SGO1: variants seen among roughly 807,000 people sequenced by gnomAD.
The protein encoded by SGO1 is shugoshin 1, also known as serologically defined breast cancer antigen NY-BR-85.
SGO1 carries 39 observed loss-of-function variants against 50.5 expected under a neutral mutation model. That is an observed-to-expected ratio of 0.77 (90% CI 0.60 to 1.01). The LOEUF (loss-of-function observed/expected upper bound fraction) is 1.01, where lower values mean the gene tolerates loss of function less well. Among genes scored for constraint, SGO1 ranks in the 50% least tolerant of loss-of-function variants. The pLI, the probability that SGO1 is intolerant of heterozygous loss-of-function variation, is 0.00. For synonymous variants in SGO1, 191 were observed against 205.1 expected (o/e 0.93, Z 0.59); for missense variants, 638 against 606.0 (o/e 1.05, Z -0.55).
chr3:20,169,742 T>TGG lies in SGO1; in HGVS notation c.*960_*961dup. ...TCACTCTGAACATACAATTAGAGCT[T>TGG]GGGGTTCACAATTAGTCACTTATCT... On this transcript the variant is annotated 3_prime_UTR_variant, in exon 8 of 8. Coordinates refer to ENST00000412997, the MANE Select transcript of SGO1 (RefSeq NM_001199251.3). The TGG allele has an allele frequency of 3.1e-5, 28 of 913,368 alleles. No homozygotes were observed. The highest frequency in any genetic ancestry group is 3.7e-5 in the Non-Finnish European group (28 of 764,452). 56.6% of individuals were successfully genotyped at this position (913,368 alleles called of 1,614,324 possible).
intron 5 of SGO1, 142 bp downstream of exon 5, chr3:20,176,459 A>C (rs1026219302): frequency 3.3e-5 from 19 of 573,660 alleles, no homozygotes; most frequent in Non-Finnish European, 5.5e-5. Flanking sequence ...GTGTAAAATA[A>C]ACAGATTTGC....
At chr3:20,166,165 T>C (rs1314593801), downstream of SGO1, among the ~76,000 whole-genome samples, 3 of 152,088 alleles carry the variant, frequency 2.0e-5, no homozygotes, top group African/African-American at 7.2e-5. Flanking sequence ...TTCAGAACTA[T>C]TGTACATCAA....
intron 3 of SGO1, among the ~76,000 whole-genome samples, chr3:20,181,882 C>T (rs574795159): frequency 3.3e-5 from 5 of 151,948 alleles, no homozygotes; most frequent in African/African-American, 1.2e-4. Flanking sequence ...GCCAGGAGTT[C>T]GAGACACCTG....
At position 20,183,921 on chromosome 3, in the gene SGO1, C is replaced by T. The variant is rs999124851; in HGVS notation, c.107G>A (p.Arg36His). 6.8e-6 allele frequency: 11 copies of T among 1,612,498 alleles called. No homozygotes were observed. The highest frequency in any genetic ancestry group is 7.6e-6 in the Non-Finnish European group (9 of 1,179,670). ...GCATGGTGCAGCTATAAAAGACCTG[C>T]GTTTGCCAATCTCTGCCAAGTTTTT... ...RNKNLAEIGK[R>H]RSFIAAPCQI... The change falls in exon 2 of 8, where the codon CGC becomes CAC. Residue 36 changes from arginine (R) to histidine (H), a missense_variant. Physicochemically the swap from Arg to His is conservative, Grantham distance 29. Coordinates refer to ENST00000412997, the MANE Select transcript of SGO1 (RefSeq NM_001199251.3).
Position 20,174,851 on chromosome 3 carries a change from C to A in SGO1, c.680G>T (p.Gly227Val). 2 of 1,613,986 alleles carry A rather than the reference C, an allele frequency of 1.2e-6. No homozygotes were observed. The highest frequency in any genetic ancestry group is 1.7e-6 in the Non-Finnish European group (2 of 1,179,998). ...AGKSFEFERV[G>V]FLDPLVNMHI... ...CATGTTTACTAGTGGGTCTAAAAAT[C>A]CAACTCTTTCGAATTCAAAAGACTT... is the stretch of plus-strand genomic sequence containing the variant. The change falls in exon 6 of 8, where the codon GGA (glycine) becomes GTA (valine). Residue 227 changes from glycine (G) to valine (V), a missense_variant. Transcript: ENST00000412997.
Position 20,169,788 on chromosome 3 carries a change from A to C in SGO1, c.*916T>G. ...TATCTTGTCCCTGAGCCTAAAAAAG[A>C]ATCAATTTCTCTAGTCATTTTCCCA... On this transcript the variant is annotated 3_prime_UTR_variant, in exon 8 of 8. Coordinates refer to ENST00000412997, the MANE Select transcript of SGO1 (RefSeq NM_001199251.3). The C allele has an allele frequency of 1.0e-6, 1 of 962,490 alleles. No homozygotes were observed. The highest frequency in any genetic ancestry group is 1.2e-6 in the Non-Finnish European group (1 of 809,008). 59.6% of individuals were successfully genotyped at this position (962,490 alleles called of 1,614,324 possible).
In SGO1 at chr3:20,174,888, G is replaced by T. The variant is rs750207655; in HGVS notation, c.643C>A (p.His215Asn). Reference protein sequence around the residue: ...FDSLDDFETSHLAGKSFEFER... With the variant: ...FDSLDDFETSNLAGKSFEFER... ...AATTCAAAAGACTTCCCTGCCAAAT[G>T]ACTGGTTTCAAAATCATCCAAGCTA... Residue 215 changes from histidine (H) to asparagine (N), a missense_variant, in exon 6 of 8, where the codon CAT becomes AAT. Transcript: ENST00000412997. 26 of 1,613,944 alleles carry T rather than the reference G, an allele frequency of 1.6e-5. No individual in the cohort carries two copies. The highest frequency in any genetic ancestry group is 2.2e-5 in the Non-Finnish European group (26 of 1,179,964).
chr3:20,169,102 T>C (rs1440942895), downstream of SGO1: 11 of 984,972 alleles, frequency 1.1e-5, no homozygotes, highest in African/African-American at 5.3e-5. Flanking sequence ...ATGTGGCGGA[T>C]AGAAAAATTT....
intron 1 of SGO1, 113 bp downstream of exon 1, chr3:20,185,834 GC>G (rs1559381718): frequency 6.6e-6 from 1 of 152,344 alleles, no homozygotes; most frequent in East Asian, 1.9e-4. Context: ...TGGCTGAACG[GC>G]GAAAAGCGCG....
rs1700532410 is a variant in SGO1, at chr3:20,169,779, C to T, written c.*925G>A. ...TTAGTCACTTATCTTGTCCCTGAGC[C>T]TAAAAAAGAATCAATTTCTCTAGTC... On this transcript the variant is annotated 3_prime_UTR_variant, in exon 8 of 8. Transcript: ENST00000412997. 1 of 958,972 alleles carries T rather than the reference C, an allele frequency of 1.0e-6. No individual in the cohort carries two copies. The allele number at this position is 958,972 out of a possible 1,614,324, so 59.4% of individuals were successfully genotyped here.
chr3:20,182,650 A>G (rs903167784), intron 3 of SGO1, among the ~76,000 whole-genome samples: 1 of 151,320 alleles, frequency 6.6e-6, no homozygotes, highest in Admixed American at 6.6e-5. Context: ...AACTTTCTCC[A>G]TATCTGTTAT....
chr3:20,176,764 A>T (rs1701439223), intron 4 of SGO1, 105 bp from the exon 5 acceptor site: 1 of 734,950 alleles, frequency 1.4e-6, no homozygotes, highest in African/African-American at 1.8e-5. Flanking sequence ...ATCATTTCAT[A>T]ATTCGATTTC....
upstream of SGO1, chr3:20,186,543 C>G (rs958525330): frequency 2.0e-5 from 3 of 152,200 alleles, no homozygotes; most frequent in Non-Finnish European, 4.4e-5. Context: ...CAAAGCCTCC[C>G]TCTTGTGAGA....
intron 1 of SGO1, among the ~76,000 whole-genome samples, chr3:20,184,331 T>A (rs17006705): frequency 0.046 from 6,979 of 152,294 alleles, 233 homozygotes; most frequent in East Asian, 0.15. Context: ...CACTGTGGGG[T>A]ATATGCCAGA....
downstream of SGO1, among the ~76,000 whole-genome samples, chr3:20,166,428 T>C (rs1384254894): frequency 1.3e-5 from 2 of 152,174 alleles, no homozygotes; most frequent in Admixed American, 1.3e-4. Flanking sequence ...TTTTGATACA[T>C]GCTATAACAT....
chr3:20,183,577 C>A, intron 3 of SGO1, 31 bp downstream of exon 3: 1 of 1,517,910 alleles, frequency 6.6e-7, no homozygotes. Context: ...CTTAACTAAA[C>A]TAAGAAATTC....
At chr3:20,160,887 G>C in exon 9 of SGO1, 1 of 415,766 alleles carries the variant, frequency 2.4e-6, no homozygotes, top group Admixed American at 4.2e-5. Flanking sequence ...ACTTAAAAGA[G>C]GGGTTCAACA....
chr3:20,164,644 C>A (rs900777005), downstream of SGO1, among the ~76,000 whole-genome samples: 1 of 151,756 alleles, frequency 6.6e-6, no homozygotes, highest in Non-Finnish European at 1.5e-5. Flanking sequence ...TCTTTACGTG[C>A]AGACTTTAAT....
At chr3:20,178,750 G>A (rs1025358702) in intron 3 of SGO1, among the ~76,000 whole-genome samples, 1 of 152,132 alleles carries the variant, frequency 6.6e-6, no homozygotes, top group African/African-American at 2.4e-5. Context: ...ATACACATAA[G>A]AAAAATCTTG....
Sources: gnomAD v4.1 joint callset for allele counts (sites outside exome capture counted in the v4.1 genomes callset) on GRCh38, gnomAD v4.1.1 for gene constraint, MANE v1.5 for transcripts, NCBI Gene and HGNC (gene_info 2026-07-23, HGNC 2026-07-21) for gene names.